The following SLC28A1 variants were observed in gnomAD, a reference collection of about 807,000 sequenced individuals.
The protein encoded by SLC28A1 is sodium/nucleoside cotransporter 1.
Under a neutral mutation model 74.8 loss-of-function variants are expected in SLC28A1, and 64 were observed. That is an observed-to-expected ratio of 0.86 (90% CI 0.70 to 1.05). The LOEUF is 1.05. Among genes scored for constraint, SLC28A1 ranks in the 50% least tolerant of loss-of-function variants. The pLI is 0.00. For synonymous variants in SLC28A1, 359 were observed against 335.0 expected (o/e 1.07, Z -0.78); for missense variants, 828 against 822.8 (o/e 1.01, Z -0.08).
At chr15:84,889,167 A>G (rs1459499599) in intron 4 of SLC28A1, among the ~76,000 whole-genome samples, 2 of 151,948 alleles carry the variant, frequency 1.3e-5, no homozygotes, top group Admixed American at 6.5e-5. Context: ...TTCTACCCCC[A>G]TTCAGTCTCT....
At chr15:84,888,723 G>C in intron 3 of SLC28A1, 49 bp from the exon 4 acceptor site, 1 of 1,370,762 alleles carries the variant, frequency 7.3e-7, no homozygotes, top group Non-Finnish European at 1.0e-6. Flanking sequence ...GTAAGTTCCT[G>C]GGGGTGGGTA....
the SLC28A1 span, among the ~76,000 whole-genome samples, chr15:84,964,609 A>G: frequency 7.9e-5 from 12 of 152,342 alleles, 1 homozygote; most frequent in East Asian, 1.7e-3. Context: ...CCAGGCATCA[A>G]TGATGGTACC....
chr15:84,923,899 T>A, intron 11 of SLC28A1, 86 bp from the exon 12 acceptor site: 1 of 1,585,978 alleles, frequency 6.3e-7, no homozygotes, highest in Non-Finnish European at 8.6e-7. Context: ...ACCGTGGGAC[T>A]CCCAGCTGCT....
At chr15:84,969,348 C>G in the SLC28A1 span, among the ~76,000 whole-genome samples, 4 of 152,322 alleles carry the variant, frequency 2.6e-5, no homozygotes, top group Admixed American at 6.5e-5. Context: ...CCTCCATCGC[C>G]TTCATGTGGG....
chr15:84,919,118 C>G (rs1969498292), intron 10 of SLC28A1, among the ~76,000 whole-genome samples: 1 of 152,168 alleles, frequency 6.6e-6, no homozygotes, highest in South Asian at 2.1e-4. Flanking sequence ...TTTGAGGCGG[C>G]ACTGAAAAGG....
At chr15:84,928,590 CTTT>C (rs1970850360) in intron 12 of SLC28A1, among the ~76,000 whole-genome samples, 1 of 15,364 alleles carries the variant, frequency 6.5e-5, no homozygotes, top group African/African-American at 5.2e-4. Context: ...TTCTTTCTTT[CTTT>C]CTTTCTTTCT....
intron 6 of SLC28A1, among the ~76,000 whole-genome samples, chr15:84,903,005 C>T (rs1346473366): frequency 2.0e-5 from 3 of 152,204 alleles, no homozygotes; most frequent in African/African-American, 7.2e-5. Flanking sequence ...ACTGGGATTA[C>T]AGGCATGAGC....
At chr15:84,943,588 C>T (rs1469956144) in intron 16 of SLC28A1, 62 bp downstream of exon 16, 36 of 1,251,566 alleles carry the variant, frequency 2.9e-5, no homozygotes, top group Non-Finnish European at 4.0e-5. Flanking sequence ...TTGCTCGGGA[C>T]ATGTAGGCCT....
In SLC28A1 at chr15:84,913,585, A is replaced by G. The variant is rs146016779; in HGVS notation, c.795+4790A>G. Reference sequence around the variant, plus strand: ...ATTAAATCCAAAATATTTTTAGCAAATTCTCAAAGGATGCTGCTGGTCCAC... The same window carrying G: ...ATTAAATCCAAAATATTTTTAGCAAGTTCTCAAAGGATGCTGCTGGTCCAC... On this transcript the variant is annotated intron_variant, in intron 9 of 18. Transcript: ENST00000394573. Among the ~76,000 whole-genome samples, 539 of 152,256 alleles carry G rather than the reference A, an allele frequency of 3.5e-3. 6 individuals are homozygous for G. The highest frequency in any genetic ancestry group is 2.9e-3 in the Non-Finnish European group (195 of 68,018).
chr15:84,963,615 T>C, the SLC28A1 span, among the ~76,000 whole-genome samples: 10 of 151,866 alleles, frequency 6.6e-5, no homozygotes, highest in East Asian at 1.9e-3. Flanking sequence ...GGTACCTACC[T>C]GGGGTCCAGC....
At chr15:84,940,900 G>T in intron 15 of SLC28A1, 1 of 165,948 alleles carries the variant, frequency 6.0e-6, no homozygotes, top group Non-Finnish European at 1.3e-5. Flanking sequence ...TAGGAAGGAT[G>T]TAAGTTTTCA....
At chr15:84,920,834 A>G (rs1969739832) in intron 10 of SLC28A1, among the ~76,000 whole-genome samples, 155 bp from the exon 11 acceptor site, 2 of 152,162 alleles carry the variant, frequency 1.3e-5, no homozygotes, top group Non-Finnish European at 1.5e-5. Context: ...GTGTGGAAGA[A>G]GAAGATGAAT....
chr15:84,971,611 T>C, the SLC28A1 span, among the ~76,000 whole-genome samples: 1 of 152,104 alleles, frequency 6.6e-6, no homozygotes, highest in Non-Finnish European at 1.5e-5. Context: ...GCCTGCAGAA[T>C]GTACACCAAA....
At chr15:84,955,450 A>G in the SLC28A1 span, among the ~76,000 whole-genome samples, 8 of 152,298 alleles carry the variant, frequency 5.3e-5, no homozygotes, top group Admixed American at 5.2e-4. Flanking sequence ...TAAAGTAGCA[A>G]AGTCATGATT....
chr15:84,926,551 G>C (rs1442124199), intron 12 of SLC28A1: 2 of 454,892 alleles, frequency 4.4e-6, no homozygotes, highest in Admixed American at 4.7e-5. Flanking sequence ...TAGAAAAATT[G>C]TGATATAGGG....
intron 9 of SLC28A1, among the ~76,000 whole-genome samples, chr15:84,909,232 G>C (rs1298999327): frequency 6.6e-6 from 1 of 151,920 alleles, no homozygotes; most frequent in Non-Finnish European, 1.5e-5. Flanking sequence ...CCTCCTTCAG[G>C]GCCCCTCACA....
At chr15:84,894,325 T>C (rs1243336638) in intron 5 of SLC28A1, among the ~76,000 whole-genome samples, 1 of 147,040 alleles carries the variant, frequency 6.8e-6, no homozygotes, top group Non-Finnish European at 1.5e-5. Context: ...TCAGCCGAGA[T>C]CATGCCACTG....
chr15:84,908,858 G>C (rs1967708862), intron 9 of SLC28A1, 63 bp downstream of exon 9: 1 of 1,375,816 alleles, frequency 7.3e-7, no homozygotes, highest in Admixed American at 1.7e-5. Context: ...CCAGCTAGAG[G>C]GGAGTCTGGG....
chr15:84,975,573 T>G, the SLC28A1 span: 38 of 456,174 alleles, frequency 8.3e-5, no homozygotes, highest in East Asian at 2.6e-3. Flanking sequence ...GTTAAGTATC[T>G]TGGAGGCTCT....
Sources: gnomAD v4.1 joint callset for allele counts (sites outside exome capture counted in the v4.1 genomes callset) on GRCh38, gnomAD v4.1.1 for gene constraint, MANE v1.5 for transcripts, NCBI Gene and HGNC (gene_info 2026-07-23, HGNC 2026-07-21) for gene names.